Variants in SH3BP2 observed in about 807,000 individuals in gnomAD.
SH3BP2 encodes SH3 domain-binding protein 2.
In SH3BP2, 38 loss-of-function variants were observed where a neutral mutation model predicts 56.2. The observed-to-expected ratio is 0.68, with a 90% CI of 0.52 to 0.89. The LOEUF (loss-of-function observed/expected upper bound fraction) is 0.89. Ranked by LOEUF, SH3BP2 falls within the 40% of genes least tolerant of loss-of-function variation. The probability of loss-of-function intolerance (pLI) is 0.00; values close to 1 mark genes in which losing one functional copy is unlikely to be tolerated. For synonymous variants in SH3BP2, 346 were observed against 316.7 expected, an observed-to-expected ratio of 1.09 and a Z score of -0.98; for missense variants, 748 against 762.6, an observed-to-expected ratio of 0.98 and a Z score of 0.23.
chr4:2,800,536 T>C (rs1723225042), intron 1 of SH3BP2, among the ~76,000 whole-genome samples: 1 of 131,414 alleles, frequency 7.6e-6, no homozygotes, highest in Non-Finnish European at 1.6e-5. Context: ...GTGGAGGTGC[T>C]TGTCCTGTGA....
chr4:2,833,699 C>T lies in SH3BP2; in HGVS notation c.1551C>T (p.Asp517=), dbSNP rs749744342. ...CTCCCCCTTCTCTTCCCCCACAGGA[C>T]TCTAAGTTCTACCTGGAGGGCGAGG... ...KVRNYRIFEK[D]SKFYLEGEVL... Residue 517 remains aspartate, a splice_region_variant and synonymous_variant, in exon 13 of 13, where the codon GAC becomes GAT. Transcript: ENST00000503393. 2 of 1,610,412 alleles carry T rather than the reference C, an allele frequency of 1.2e-6. No individual in the cohort carries two copies. The highest frequency in any genetic ancestry group is 1.7e-6 in the Non-Finnish European group (2 of 1,178,448).
chr4:2,828,293 C>T (rs375719525), intron 7 of SH3BP2, among the ~76,000 whole-genome samples: 26 of 152,162 alleles, frequency 1.7e-4, no homozygotes, highest in East Asian at 7.7e-4. Context: ...ATTTTCCCTG[C>T]GTCCGCCCTG....
At position 2,829,814 on chromosome 4, in the gene SH3BP2, C is replaced by T; in HGVS notation, c.908C>T (p.Pro303Leu). The change falls in exon 8 of 13, where the codon CCC becomes CTC. Residue 303 changes from proline to leucine, a missense_variant. Pro to Leu is a moderately conservative substitution (Grantham distance 98, BLOSUM62 -3). This residue lies in a region of SH3BP2 where 635 missense variants were observed against 615.0 expected (regional missense o/e 1.03). Coordinates refer to ENST00000503393, the MANE Select transcript of SH3BP2 (RefSeq NM_001122681.2). This position sits in a 1 kb window ranked among gnomAD's most constrained non-coding sequence, Gnocchi z 4.9. ...KPPCFRESAS[P>L]SPEPWTPGHG... Reference sequence around the variant, plus strand: ...CCTTGCTTCCGGGAGAGTGCCAGCCCCAGCCCGGAGCCCTGGACCCCTGGC... The same window carrying T: ...CCTTGCTTCCGGGAGAGTGCCAGCCTCAGCCCGGAGCCCTGGACCCCTGGC... 2 of 1,613,414 alleles carry T rather than the reference C, an allele frequency of 1.2e-6. No homozygotes were observed. Among genetic ancestry groups the T allele is most frequent in the South Asian group, 1.1e-5 (1 of 91,080 alleles).
At position 2,831,692 on chromosome 4, in the gene SH3BP2, G is replaced by A. The variant is rs1298865871; in HGVS notation, c.1350+13G>A. 3.8e-6 allele frequency: 6 copies of A among 1,573,310 alleles called. No individual in the cohort carries two copies. The African/African-American group carries it at 4.1e-5, about 11-fold the overall frequency. On this transcript the variant is annotated intron_variant, in intron 9 of 12. Transcript: ENST00000503393. The surrounding 1 kb of genome is among the most constrained non-coding windows in gnomAD (Gnocchi z 4.1). ...GGACTATGAGAAGGCAAGGCTGAGCGGCAAGCCTGGGTCCCAGTGGCCAGT... is the reference window on the plus strand; with the variant it reads ...GGACTATGAGAAGGCAAGGCTGAGCAGCAAGCCTGGGTCCCAGTGGCCAGT...
chr4:2,795,503 AC>A (rs1469986675), intron 1 of SH3BP2, among the ~76,000 whole-genome samples: 1 of 152,140 alleles, frequency 6.6e-6, no homozygotes, highest in Non-Finnish European at 1.5e-5. Flanking sequence ...TTCTTTAATA[AC>A]CGGGTGGCTT....
chr4:2,812,898 G>C (rs1723821919), intron 1 of SH3BP2, among the ~76,000 whole-genome samples: 1 of 152,116 alleles, frequency 6.6e-6, no homozygotes, highest in African/African-American at 2.4e-5. Flanking sequence ...GGGGGTAACG[G>C]AGAGAGCTGT....
At chr4:2,818,029 C>T (rs76283109) in intron 1 of SH3BP2, 372 of 165,512 alleles carry the variant, frequency 2.2e-3, no homozygotes, top group Middle Eastern at 9.3e-3. Context: ...CAGATGTGGG[C>T]CTCCTGTCCC....
intron 1 of SH3BP2, chr4:2,799,252 A>C (rs945383822): frequency 2.0e-6 from 2 of 985,242 alleles, no homozygotes; most frequent in Non-Finnish European, 2.4e-6. Context: ...CGGGACCCTC[A>C]CCGCGACTGG....
At chr4:2,832,037 T>C (rs1418398750) in intron 10 of SH3BP2, 59 bp downstream of exon 10, 22 of 1,558,756 alleles carry the variant, frequency 1.4e-5, no homozygotes, top group Non-Finnish European at 1.9e-5. Flanking sequence ...CCTGCTTCTG[T>C]GTCCCTCTCA....
intron 8 of SH3BP2, among the ~76,000 whole-genome samples, chr4:2,830,945 G>T (rs948778288): frequency 1.5e-4 from 23 of 152,256 alleles, no homozygotes; most frequent in African/African-American, 5.3e-4. Flanking sequence ...CCTCTGAGCA[G>T]CCCTTGTCAC....
intron 1 of SH3BP2, chr4:2,798,855 G>A (rs868203896): frequency 2.8e-5 from 15 of 537,442 alleles, no homozygotes; most frequent in Middle Eastern, 1.9e-3. Flanking sequence ...AGGCCAGGCC[G>A]TGTGACCTGG....
Position 2,835,671 on chromosome 4 carries a change from C to A in SH3BP2, c.*1837C>A, listed in dbSNP as rs1222626323. 6.6e-6 allele frequency: 1 copy of A among 152,200 alleles called. No homozygotes were observed. Among genetic ancestry groups the A allele is most frequent in the Non-Finnish European group, 1.5e-5 (1 of 68,044 alleles). The allele number at this position is 152,200 out of a possible 1,614,324, so 9.4% of individuals were successfully genotyped here. A position where few individuals can be genotyped will look rare whatever the true frequency, so the allele number is the denominator to read the frequency against. ...ATGTAGTCTCACCCTGTCGCCCAGGCTGGAGTGCAATGCCGTGATCTCCGC... is the reference window on the plus strand; with the variant it reads ...ATGTAGTCTCACCCTGTCGCCCAGGATGGAGTGCAATGCCGTGATCTCCGC... On this transcript the variant is annotated 3_prime_UTR_variant, in exon 13 of 13. Coordinates refer to ENST00000503393, the MANE Select transcript of SH3BP2 (RefSeq NM_001122681.2).
At chr4:2,828,208 C>G (rs1413222801) in intron 7 of SH3BP2, among the ~76,000 whole-genome samples, 1 of 149,330 alleles carries the variant, frequency 6.7e-6, no homozygotes, top group Non-Finnish European at 1.5e-5. Flanking sequence ...CCCTCCCTTC[C>G]TCCCTCCCTA....
At position 2,829,425 on chromosome 4, in the gene SH3BP2, A is replaced by T; in HGVS notation, c.587-68A>T. 6.4e-7 allele frequency: 1 copy of T among 1,550,644 alleles called. No homozygotes were observed. The highest frequency in any genetic ancestry group is 1.7e-4 in the Middle Eastern group (1 of 5,732). On this transcript the variant is annotated intron_variant, in intron 7 of 12. Transcript: ENST00000503393. The surrounding 1 kb of genome is among the most constrained non-coding windows in gnomAD (Gnocchi z 4.9). ...GCACTCCTGGTTGGCCTGGCTGACCACTGCCAGCAGAGGATAGTGTTGGCC... is the reference window on the plus strand; with the variant it reads ...GCACTCCTGGTTGGCCTGGCTGACCTCTGCCAGCAGAGGATAGTGTTGGCC...
Position 2,824,620 on chromosome 4 carries a change from C to G in SH3BP2, c.247C>G (p.Arg83Gly). The change falls in exon 4 of 13, where the codon CGG becomes GGG. Residue 83 changes from arginine (R) to glycine (G), a missense_variant. Physicochemically the swap from Arg to Gly is moderately radical, Grantham distance 125. Around this residue, in one of 3 missense-constraint regions of SH3BP2, gnomAD observed 104 missense variants for 123.1 expected, o/e 0.84. Coordinates refer to ENST00000503393, the MANE Select transcript of SH3BP2 (RefSeq NM_001122681.2). ...CTGGCGCTGTGCCCCCAGGGTGATG[C>G]GGGCGGCTGAGGAGACCACGTCCAA... is the stretch of plus-strand genomic sequence containing the variant. ...FSLSGYNRVM[R>G]AAEETTSNNV... is the part of the protein sequence containing the mutation. The G allele has an allele frequency of 6.2e-7, 1 of 1,612,608 alleles. No individual in the cohort carries two copies. Among genetic ancestry groups the G allele is most frequent in the Non-Finnish European group, 8.5e-7 (1 of 1,179,180 alleles).
intron 1 of SH3BP2, chr4:2,818,228 C>G: frequency 1.0e-6 from 1 of 986,878 alleles, no homozygotes; most frequent in Non-Finnish European, 1.2e-6. Context: ...GCGGGCATGG[C>G]GGGCTCCGGG....
intron 3 of SH3BP2, 69 bp downstream of exon 3, chr4:2,823,106 G>C (rs767828336): frequency 2.2e-5 from 25 of 1,137,434 alleles, no homozygotes; most frequent in Non-Finnish European, 3.2e-5. Context: ...CAGAGCCCCA[G>C]CTGGGCCTGC....
At chr4:2,818,242 C>T in intron 1 of SH3BP2, 1 of 989,092 alleles carries the variant, frequency 1.0e-6, no homozygotes. Context: ...CTCCGGGCCG[C>T]GGCCGCGGAG....
rs1006037155 is a variant in SH3BP2 at position 2,838,057 on chromosome 4, C to T, written c.*4223C>T. On this transcript the variant is annotated 3_prime_UTR_variant, in exon 13 of 13. Transcript: ENST00000503393. ...CAGACAGCTGCCCTGGCGTTGCCGTCTGCTTCTTCCCTGGCCCCACTCTGA... is the reference window on the plus strand; with the variant it reads ...CAGACAGCTGCCCTGGCGTTGCCGTTTGCTTCTTCCCTGGCCCCACTCTGA... 1 of 152,302 alleles carries T rather than the reference C, an allele frequency of 6.6e-6. No homozygotes were observed. Among genetic ancestry groups the T allele is most frequent in the Non-Finnish European group, 1.5e-5 (1 of 68,086 alleles). 9.4% of individuals were successfully genotyped at this position (152,302 alleles called of 1,614,324 possible). A position where few individuals can be genotyped will look rare whatever the true frequency, so the allele number is the denominator to read the frequency against.
Sources: gnomAD v4.1 joint callset for allele counts (sites outside exome capture counted in the v4.1 genomes callset) on GRCh38, gnomAD v4.1.1 for gene constraint, gnomAD v4.1.1 regional missense constraint, Gnocchi (gnomAD v3.1) non-coding constraint, MANE v1.5 for transcripts, NCBI Gene and HGNC (gene_info 2026-07-23, HGNC 2026-07-21) for gene names.